The following AFAP1 variants were observed in gnomAD, a reference collection of about 807,000 sequenced individuals.
AFAP1 encodes the protein actin filament associated protein 1.
A neutral mutation model predicts 93.9 loss-of-function variants in AFAP1; 75 were observed. The ratio of observed to expected loss-of-function variants is 0.80; its 90% confidence interval spans 0.66 to 0.97. The LOEUF is 0.97. Among genes scored for constraint, AFAP1 ranks in the 50% least tolerant of loss-of-function variants. The pLI is 0.00. For synonymous variants in AFAP1, 517 were observed against 430.7 expected, an observed-to-expected ratio of 1.20 and a Z score of -2.48; for missense variants, 1,201 against 1,050.8, an observed-to-expected ratio of 1.14 and a Z score of -1.98.
intron 12 of AFAP1, 89 bp from the exon 13 acceptor site, chr4:7,781,716 G>A: frequency 6.7e-7 from 1 of 1,486,162 alleles, no homozygotes; most frequent in Non-Finnish European, 9.0e-7. Context: ...TAATAGTACG[G>A]CATTTAGCAT....
At chr4:7,840,396 C>G (rs1712872269) in intron 5 of AFAP1, among the ~76,000 whole-genome samples, 1 of 151,776 alleles carries the variant, frequency 6.6e-6, no homozygotes, top group African/African-American at 2.4e-5. Context: ...TCACTGCAAC[C>G]TCCCCCTCCT....
chr4:7,884,864 A>G (rs1270586438), intron 1 of AFAP1, among the ~76,000 whole-genome samples: 1 of 152,210 alleles, frequency 6.6e-6, no homozygotes, highest in East Asian at 1.9e-4. Flanking sequence ...GGAGAATGAC[A>G]AACATGGATT....
rs754169647 is a variant in AFAP1 at position 7,774,740 on chromosome 4, G to A, written c.2061C>T (p.Ala687=). ...KDLRAAIEVN[A]GRKPQAILEE... ...GGCAGTCACCCACACCCTTCATACC[G>A]GCGTTCACTTCAATAGCCGCTCGAA... Residue 687 remains alanine (A), a splice_region_variant and synonymous_variant, in exon 15 of 18, where the codon GCC becomes GCT. Transcript: ENST00000420658. 8 of 1,613,906 alleles carry A rather than the reference G, an allele frequency of 5.0e-6. No homozygotes were observed. Among genetic ancestry groups the A allele is most frequent in the African/African-American group, 1.3e-5 (1 of 74,904 alleles).
rs575661252 is a variant in AFAP1, at chr4:7,789,595, C to A, written c.1413-3284G>T. 1.1e-4 allele frequency among the ~76,000 whole-genome samples: 14 copies of A among 133,248 alleles called. No individual in the cohort carries two copies. In the Middle Eastern group the frequency reaches 0.011, roughly 108 times the overall value. The allele number at this position is 133,248 out of a possible 152,430, so 87.4% of individuals were successfully genotyped here. ...GCATCTCCCCACGCTCCGCACCAGC[C>A]GCTGCTTTCCATCCTCTTCATCCTC... On this transcript the variant is annotated intron_variant, in intron 11 of 17. Coordinates refer to ENST00000420658, the MANE Select transcript of AFAP1 (RefSeq NM_001134647.2).
At chr4:7,767,161 G>A (rs572646481) in intron 17 of AFAP1, among the ~76,000 whole-genome samples, 92 of 152,304 alleles carry the variant, frequency 6.0e-4, no homozygotes, top group African/African-American at 2.1e-3. Flanking sequence ...ATTCTCAGCT[G>A]GAGGGACGAG....
chr4:7,834,398 C>A (rs1712023816), intron 6 of AFAP1, among the ~76,000 whole-genome samples: 1 of 152,204 alleles, frequency 6.6e-6, no homozygotes, highest in African/African-American at 2.4e-5. Flanking sequence ...AGACTACCAA[C>A]TGGGTGCAGT....
At chr4:7,871,477 G>C (rs899060677) in intron 2 of AFAP1, among the ~76,000 whole-genome samples, 5 of 152,212 alleles carry the variant, frequency 3.3e-5, no homozygotes, top group Non-Finnish European at 7.3e-5. Context: ...GTCGCACAGA[G>C]CTTGCTGCGT....
chr4:7,796,619 C>T (rs755336487), intron 10 of AFAP1, among the ~76,000 whole-genome samples: 5 of 151,552 alleles, frequency 3.3e-5, no homozygotes, highest in Non-Finnish European at 7.4e-5. Flanking sequence ...GGCATGGTGG[C>T]GGGCACCTGT....
intron 15 of AFAP1, 101 bp downstream of exon 15, chr4:7,774,638 G>T: frequency 6.8e-7 from 1 of 1,463,988 alleles, no homozygotes; most frequent in Non-Finnish European, 9.1e-7. Context: ...TAAATAAAAT[G>T]ACAGCCTTGG....
At chr4:7,811,843 C>A (rs893967697) in intron 8 of AFAP1, among the ~76,000 whole-genome samples, 3 of 152,138 alleles carry the variant, frequency 2.0e-5, no homozygotes, top group African/African-American at 7.2e-5. Context: ...GCAGCCCAAG[C>A]TGACTAACGC....
At chr4:7,796,192 A>G (rs1445254960) in intron 10 of AFAP1, among the ~76,000 whole-genome samples, 1 of 152,118 alleles carries the variant, frequency 6.6e-6, no homozygotes, top group African/African-American at 2.4e-5. Context: ...ACTCTCCGCC[A>G]TTCTCCACTA....
At chr4:7,772,758 G>T (rs1363940931) in intron 16 of AFAP1, 62 bp downstream of exon 16, 17 of 1,505,840 alleles carry the variant, frequency 1.1e-5, no homozygotes, top group Non-Finnish European at 1.5e-5. Context: ...CTCTCTGGGT[G>T]CACTGGCCCT....
chr4:7,830,184 C>T (rs1324065509), intron 6 of AFAP1, among the ~76,000 whole-genome samples: 20 of 152,128 alleles, frequency 1.3e-4, no homozygotes, highest in Admixed American at 1.3e-3. Flanking sequence ...ATCTGCATTG[C>T]TATTTGCTTG....
rs79942195 is a variant in AFAP1, at chr4:7,889,704, T to TAAAAA, written c.-2-17629_-2-17625dup. ...CTCAATGAAGCGTTTTTTTTTTTTTTAAAAAAAGAACAATTGAAAAATGAA... is the reference window on the plus strand; with the variant it reads ...CTCAATGAAGCGTTTTTTTTTTTTTTAAAAAAAAAAAAGAACAATTGAAAAATGAA... On this transcript the variant is annotated intron_variant, in intron 1 of 17. Transcript: ENST00000420658. Among the ~76,000 whole-genome samples the TAAAAA allele has an allele frequency of 1.1e-3, 160 of 144,668 alleles. 1 individual carries two copies. In the East Asian group the frequency reaches 0.016, roughly 15 times the overall value. 94.9% of individuals were successfully genotyped at this position (144,668 alleles called of 152,430 possible).
intron 1 of AFAP1, among the ~76,000 whole-genome samples, chr4:7,886,280 T>G (rs1340383236): frequency 6.6e-6 from 1 of 152,236 alleles, no homozygotes; most frequent in African/African-American, 2.4e-5. Flanking sequence ...GTCTAAGGAC[T>G]GCTGTAAATA....
chr4:7,879,699 CTTTTT>C (rs552211338), intron 1 of AFAP1, among the ~76,000 whole-genome samples: 21 of 121,718 alleles, frequency 1.7e-4, no homozygotes, highest in African/African-American at 5.5e-4. Context: ...TGCTTGCTTG[CTTTTT>C]TTTTTTTTTT....
At position 7,937,950 on chromosome 4, in the gene AFAP1, G is replaced by C. The variant is rs114294498; in HGVS notation, c.-3+1706C>G. 3.2e-3 allele frequency among the ~76,000 whole-genome samples: 484 copies of C among 152,230 alleles called. 6 individuals carry two copies. The highest frequency in any genetic ancestry group is 0.011 in the African/African-American group (450 of 41,536). On this transcript the variant is annotated intron_variant, in intron 1 of 17. Coordinates refer to ENST00000420658, the MANE Select transcript of AFAP1 (RefSeq NM_001134647.2). ...TTGAAAAAGGAGCTCGCATTTACCC[G>C]CATGCACAAACTGCGCCTGCCCACC...
rs1553852394 is a variant in AFAP1 at position 7,890,016 on chromosome 4, A to AT, written c.-2-17937_-2-17936insA. ...GAGCAATTTTTGTTAAAAAAAAAAA[A>AT]AAAAAAAAGAAGCCAATTCTAAAAT... On this transcript the variant is annotated intron_variant, in intron 1 of 17. Coordinates refer to ENST00000420658, the MANE Select transcript of AFAP1 (RefSeq NM_001134647.2). Among the ~76,000 whole-genome samples, 460 of 150,804 alleles carry AT rather than the reference A, an allele frequency of 3.1e-3. 5 individuals carry two copies. Among genetic ancestry groups the AT allele is most frequent in the African/African-American group, 0.011 (447 of 41,360 alleles).
intron 1 of AFAP1, among the ~76,000 whole-genome samples, chr4:7,884,140 T>C (rs544913730): frequency 1.1e-4 from 17 of 152,092 alleles, no homozygotes; most frequent in Non-Finnish European, 1.6e-4. Flanking sequence ...TCCTGCTCTG[T>C]CATGTGAGAC....
Sources: allele counts gnomAD v4.1 joint callset (sites outside exome capture counted in the v4.1 genomes callset), GRCh38; gene constraint gnomAD v4.1.1; transcripts MANE v1.5; gene names NCBI Gene and HGNC (gene_info 2026-07-23, HGNC 2026-07-21).